MDGA2: variants seen among roughly 807,000 people sequenced by gnomAD.
MDGA2 encodes MAM domain-containing glycosylphosphatidylinositol anchor protein 2.
A neutral mutation model predicts 117.8 loss-of-function variants in MDGA2; 40 were observed. The ratio of observed to expected loss-of-function variants is 0.34; its 90% CI spans 0.26 to 0.44. MDGA2 has a LOEUF of 0.44. Ranked by LOEUF, MDGA2 falls within the 20% of genes least tolerant of loss-of-function variation. The pLI, the probability that MDGA2 is intolerant of heterozygous loss-of-function variation, is 1.00. For missense variants in MDGA2, 1,123 were observed against 1,250.6 expected, an observed-to-expected ratio of 0.90 and a Z score of 1.54; for synonymous variants, 452 against 439.0, an observed-to-expected ratio of 1.03 and a Z score of -0.37.
At chr14:47,400,698 CA>C (rs1277990439) in intron 1 of MDGA2, among the ~76,000 whole-genome samples, 21 of 130,558 alleles carry the variant, frequency 1.6e-4, no homozygotes, top group East Asian at 4.3e-4. Context: ...AACAAACAAA[CA>C]AAAAAAAAAC....
At chr14:47,251,089 T>C (rs1419925684) in intron 2 of MDGA2, among the ~76,000 whole-genome samples, 2 of 152,204 alleles carry the variant, frequency 1.3e-5, no homozygotes, top group Admixed American at 6.5e-5. Context: ...TGCTTAAAAG[T>C]CTCTAATAGC....
chr14:47,352,388 C>T (rs1162766712), intron 1 of MDGA2, among the ~76,000 whole-genome samples: 1 of 92,754 alleles, frequency 1.1e-5, no homozygotes, highest in Non-Finnish European at 2.1e-5. Flanking sequence ...TTAGGTACTT[C>T]TGCCTTTGGA....
In MDGA2 at chr14:46,884,784, A is replaced by T. The variant is rs1286539449; in HGVS notation, c.2239-2563T>A. ...TTAAACAATTAAATTTAAAACATAC[A>T]ATTTAAATCAGTTAGGAAAAATACA... On this transcript the variant is annotated intron_variant, in intron 10 of 16. Transcript: ENST00000399232. This position sits in a 1 kb window ranked among gnomAD's most constrained non-coding sequence, Gnocchi z 4.1. Among the ~76,000 whole-genome samples the T allele has an allele frequency of 6.6e-6, 1 of 152,122 alleles. No homozygotes were observed. Among genetic ancestry groups the T allele is most frequent in the Non-Finnish European group, 1.5e-5 (1 of 68,012 alleles).
chr14:47,513,672 T>C (rs1327698439), intron 1 of MDGA2, among the ~76,000 whole-genome samples: 1 of 152,146 alleles, frequency 6.6e-6, no homozygotes, highest in Non-Finnish European at 1.5e-5. Flanking sequence ...TTCCTAAGGC[T>C]AAGAACCATA....
chr14:47,158,834 A>G (rs898785887), intron 3 of MDGA2, among the ~76,000 whole-genome samples: 1 of 152,260 alleles, frequency 6.6e-6, no homozygotes, highest in African/African-American at 2.4e-5. Context: ...AAGGTAGCAC[A>G]TACAGACAGT....
At chr14:47,324,647 A>ATT (rs151283241) in intron 1 of MDGA2, among the ~76,000 whole-genome samples, 1 of 151,020 alleles carries the variant, frequency 6.6e-6, no homozygotes, top group Non-Finnish European at 1.5e-5. Context: ...AAATTCATGC[A>ATT]TTTTTTTTTG....
chr14:46,971,939 G>A (rs1168548265), intron 8 of MDGA2, among the ~76,000 whole-genome samples: 4 of 152,092 alleles, frequency 2.6e-5, no homozygotes, highest in Non-Finnish European at 4.4e-5. Flanking sequence ...TTGACTTTGG[G>A]TTGTTGAAAC....
At chr14:47,368,988 A>G (rs1320557240) in intron 1 of MDGA2, among the ~76,000 whole-genome samples, 1 of 152,188 alleles carries the variant, frequency 6.6e-6, no homozygotes, top group Non-Finnish European at 1.5e-5. Flanking sequence ...ATAATAATAT[A>G]AAATGCAGAA....
chr14:46,846,136 T>A (rs1555328506), intron 15 of MDGA2, among the ~76,000 whole-genome samples: 1 of 151,780 alleles, frequency 6.6e-6, no homozygotes, highest in African/African-American at 2.4e-5. Flanking sequence ...ATAATACAAT[T>A]AAAAAAAATG....
chr14:47,407,036 A>G (rs1892274275), intron 1 of MDGA2, among the ~76,000 whole-genome samples: 1 of 152,038 alleles, frequency 6.6e-6, no homozygotes, highest in African/African-American at 2.4e-5. Flanking sequence ...GTAAAATACA[A>G]TCCATTCCCT....
intron 1 of MDGA2, among the ~76,000 whole-genome samples, chr14:47,347,133 G>C (rs927295394): frequency 6.6e-6 from 1 of 152,118 alleles, no homozygotes; most frequent in African/African-American, 2.4e-5. Flanking sequence ...CTAAACAGAG[G>C]TCTGCAGCCA....
chr14:47,087,801 CAA>C (rs11418956), intron 6 of MDGA2, among the ~76,000 whole-genome samples: 70,605 of 139,190 alleles, frequency 0.51, 17,335 homozygotes, highest in South Asian at 0.55. Context: ...TGTAGGGTAT[CAA>C]AAAAAAAAAA....
At chr14:46,970,520 C>T (rs1395199685) in intron 8 of MDGA2, among the ~76,000 whole-genome samples, 2 of 152,070 alleles carry the variant, frequency 1.3e-5, no homozygotes, top group African/African-American at 4.8e-5. Flanking sequence ...AAACTGGATG[C>T]CTATCTCTAC....
intron 9 of MDGA2, among the ~76,000 whole-genome samples, chr14:46,934,106 G>T (rs1031174641): frequency 5.3e-5 from 8 of 151,498 alleles, no homozygotes; most frequent in Admixed American, 2.6e-4. Context: ...AATTGCCTAG[G>T]ACTCAAAAAA....
intron 1 of MDGA2, among the ~76,000 whole-genome samples, chr14:47,570,751 T>C (rs572529548): frequency 8.5e-5 from 13 of 152,054 alleles, no homozygotes; most frequent in Non-Finnish European, 1.8e-4. Flanking sequence ...ATACAAAAAT[T>C]AATTCAAGAT....
intron 1 of MDGA2, among the ~76,000 whole-genome samples, chr14:47,403,042 T>C (rs55888109): frequency 0.031 from 4,707 of 152,224 alleles, 271 homozygotes; most frequent in African/African-American, 0.11. Flanking sequence ...ATCTTTCCCA[T>C]GTTAAAAACA....
intron 6 of MDGA2, among the ~76,000 whole-genome samples, chr14:47,095,460 T>A (rs1879906835): frequency 6.6e-6 from 1 of 151,978 alleles, no homozygotes; most frequent in South Asian, 2.1e-4. Context: ...ATTTTGCTTT[T>A]ATTGGCCTTT....
intron 1 of MDGA2, among the ~76,000 whole-genome samples, chr14:47,371,930 GT>G: frequency 6.6e-6 from 1 of 151,422 alleles, no homozygotes; most frequent in African/African-American, 2.4e-5. Flanking sequence ...AACATATACT[GT>G]AATCTTTCAA....
At chr14:47,471,087 G>T (rs1053070795) in intron 1 of MDGA2, among the ~76,000 whole-genome samples, 1 of 152,086 alleles carries the variant, frequency 6.6e-6, no homozygotes, top group Non-Finnish European at 1.5e-5. Context: ...CTGTTTTAGT[G>T]TCCTCAAATA....
Sources: gnomAD v4.1 joint callset for allele counts (sites outside exome capture counted in the v4.1 genomes callset) on GRCh38, gnomAD v4.1.1 for gene constraint, Gnocchi (gnomAD v3.1) non-coding constraint, MANE v1.5 for transcripts, NCBI Gene and HGNC (gene_info 2026-07-23, HGNC 2026-07-21) for gene names.